The following STAG1 variants were observed in gnomAD, a reference collection of about 807,000 sequenced individuals.
STAG1 encodes the protein STAG1 cohesin complex component.
Under a neutral mutation model 170.9 loss-of-function variants are expected in STAG1, and 26 were observed. The observed-to-expected ratio is 0.15, with a 90% CI of 0.11 to 0.21. The LOEUF is 0.21. Ranked by LOEUF, STAG1 falls within the 10% of genes least tolerant of loss-of-function variation. The pLI, the probability that STAG1 is intolerant of heterozygous loss-of-function variation, is 1.00. For synonymous variants in STAG1, 514 were observed against 497.7 expected (o/e 1.03, Z -0.44); for missense variants, 964 against 1,509.5 (o/e 0.64, Z 5.99).
chr3:136,497,409 T>C (rs756409299), intron 9 of STAG1, among the ~76,000 whole-genome samples: 9 of 152,178 alleles, frequency 5.9e-5, no homozygotes, highest in Non-Finnish European at 1.3e-4. Flanking sequence ...TATGCGTTCA[T>C]GTTAACATCT....
At chr3:136,651,261 G>A (rs1043170140) in intron 1 of STAG1, among the ~76,000 whole-genome samples, 1 of 151,658 alleles carries the variant, frequency 6.6e-6, no homozygotes, top group Non-Finnish European at 1.5e-5. Flanking sequence ...TGATACTTCA[G>A]AGGCTGAGGT....
intron 14 of STAG1, among the ~76,000 whole-genome samples, chr3:136,451,170 A>T (rs751613348): frequency 5.4e-5 from 5 of 92,876 alleles, no homozygotes; most frequent in Non-Finnish European, 1.1e-4. Flanking sequence ...ACAATATATT[A>T]AAAAAAAAAA....
At chr3:136,365,379 T>G (rs1477318036) in intron 25 of STAG1, among the ~76,000 whole-genome samples, 1 of 152,102 alleles carries the variant, frequency 6.6e-6, no homozygotes, top group Non-Finnish European at 1.5e-5. Context: ...TTAAGAAAAT[T>G]TGTGGAGATT....
At chr3:136,499,304 C>T (rs2107861309) in intron 9 of STAG1, among the ~76,000 whole-genome samples, 1 of 152,218 alleles carries the variant, frequency 6.6e-6, no homozygotes, top group South Asian at 2.1e-4. Flanking sequence ...CCCACCTCAG[C>T]CTCCCGAGTA....
At chr3:136,487,827 C>T (rs1194231895) in intron 9 of STAG1, among the ~76,000 whole-genome samples, 1 of 152,166 alleles carries the variant, frequency 6.6e-6, no homozygotes, top group African/African-American at 2.4e-5. Flanking sequence ...GGAATTCTGA[C>T]TCCTGAGGCT....
At chr3:136,388,719 A>G (rs1416616007) in intron 22 of STAG1, among the ~76,000 whole-genome samples, 1 of 152,156 alleles carries the variant, frequency 6.6e-6, no homozygotes, top group African/African-American at 2.4e-5. Context: ...CATTTAACAA[A>G]CAACTAGTAA....
chr3:136,340,838 CATTT>C (rs531743794), intron 31 of STAG1, among the ~76,000 whole-genome samples: 96 of 152,280 alleles, frequency 6.3e-4, no homozygotes, highest in African/African-American at 2.3e-3. Context: ...CGGTTGTTAA[CATTT>C]ATTTATGTGT....
At chr3:136,465,038 C>T in intron 12 of STAG1, 50 bp from the exon 13 acceptor site, 2 of 1,377,006 alleles carry the variant, frequency 1.5e-6, no homozygotes, top group Non-Finnish European at 2.0e-6. Flanking sequence ...GTTTATTTTC[C>T]TTTCTACTTT....
chr3:136,574,366 G>A (rs960075497), intron 4 of STAG1, among the ~76,000 whole-genome samples: 4 of 149,972 alleles, frequency 2.7e-5, no homozygotes, highest in South Asian at 4.2e-4. Context: ...ACACACACAC[G>A]CACATCCTTG....
At chr3:136,430,824 C>CACAT (rs2088279695) in intron 16 of STAG1, among the ~76,000 whole-genome samples, 2 of 127,670 alleles carry the variant, frequency 1.6e-5, no homozygotes, top group African/African-American at 5.8e-5. Flanking sequence ...CACACACACA[C>CACAT]ACACACACAC....
intron 15 of STAG1, among the ~76,000 whole-genome samples, chr3:136,440,685 T>A (rs2088604346): frequency 6.6e-6 from 1 of 151,982 alleles, no homozygotes; most frequent in South Asian, 2.1e-4. Context: ...AATATTAAGG[T>A]TAGTTAGAAA....
chr3:136,409,024 G>A, intron 21 of STAG1, among the ~76,000 whole-genome samples: 1 of 152,094 alleles, frequency 6.6e-6, no homozygotes, highest in East Asian at 1.9e-4. Context: ...CCAGCACTTT[G>A]GGAGGCCGAG....
chr3:136,423,400 T>C (rs966563860), intron 16 of STAG1, among the ~76,000 whole-genome samples: 35 of 152,232 alleles, frequency 2.3e-4, no homozygotes, highest in African/African-American at 8.2e-4. Context: ...ATACACACAC[T>C]TTTTAAAGTA....
At chr3:136,673,123 T>TA (rs895348408) in intron 1 of STAG1, among the ~76,000 whole-genome samples, 32 of 152,220 alleles carry the variant, frequency 2.1e-4, no homozygotes, top group African/African-American at 7.5e-4. Flanking sequence ...CAAAACAACA[T>TA]AGAGAGTTAC....
At chr3:136,550,307 C>CAGCCTTTTTTTTTTTTTTG (rs1282534518) in intron 5 of STAG1, among the ~76,000 whole-genome samples, 136 of 150,780 alleles carry the variant, frequency 9.0e-4, no homozygotes, top group African/African-American at 3.1e-3. Flanking sequence ...CAGGTCTGTT[C>CAGCCTTTTTTTTTTTTTTG]AGCCTTTTTT....
intron 9 of STAG1, among the ~76,000 whole-genome samples, chr3:136,492,325 G>A (rs912491090): frequency 1.3e-5 from 2 of 152,178 alleles, no homozygotes; most frequent in African/African-American, 4.8e-5. Flanking sequence ...AATCAACATT[G>A]TAACAGTAAG....
rs143745758 is a variant in STAG1 at position 136,366,203 on chromosome 3, C to T, written c.2685+740G>A. Among the ~76,000 whole-genome samples the T allele has an allele frequency of 1.8e-4, 28 of 152,078 alleles. No homozygotes were observed. The East Asian group carries it at 3.9e-3, about 21-fold the overall frequency. The stretch of plus-strand genomic sequence containing the variant: ...GTGTGACCTTGAAAGGTTTACCTCT[C>T]GAGCCTTAGTTTCCTTATATGTAAA... On this transcript the variant is annotated intron_variant, in intron 25 of 33. Transcript: ENST00000383202.
intron 5 of STAG1, among the ~76,000 whole-genome samples, chr3:136,544,758 C>CAAAAA (rs33968101): frequency 6.8e-6 from 1 of 146,532 alleles, no homozygotes. Flanking sequence ...GAGCAAGACT[C>CAAAAA]AAAAAAAAAA....
In STAG1 at chr3:136,520,007, T is replaced by G. The variant is rs555273065; in HGVS notation, c.676+1206A>C. On this transcript the variant is annotated intron_variant, in intron 7 of 33. Transcript: ENST00000383202. ...ATGTTTACTTGGTTAGGACTGTAACTAACAGAATAACAGACACTAATATGA... is the reference window on the plus strand; with the variant it reads ...ATGTTTACTTGGTTAGGACTGTAACGAACAGAATAACAGACACTAATATGA... Among the ~76,000 whole-genome samples, 5 of 152,184 alleles carry G rather than the reference T, an allele frequency of 3.3e-5. No homozygotes were observed. The South Asian group carries it at 1.0e-3, about 32-fold the overall frequency.
Sources: gnomAD v4.1 joint callset for allele counts (sites outside exome capture counted in the v4.1 genomes callset) on GRCh38, gnomAD v4.1.1 for gene constraint, MANE v1.5 for transcripts, NCBI Gene and HGNC (gene_info 2026-07-23, HGNC 2026-07-21) for gene names.